The following GLI2 variants were observed in gnomAD, a reference collection of about 807,000 sequenced individuals.
GLI2 encodes GLI family zinc finger 2.
In GLI2, 22 loss-of-function variants were observed where a neutral mutation model predicts 78.9. The observed-to-expected ratio is 0.28, with a 90% CI of 0.20 to 0.40. The LOEUF (loss-of-function observed/expected upper bound fraction) is 0.40, where lower values mean the gene tolerates loss of function less well. Among genes scored for constraint, GLI2 ranks in the 10% least tolerant of loss-of-function variants. The pLI is 1.00. For synonymous variants in GLI2, 974 were observed against 963.7 expected, an observed-to-expected ratio of 1.01 and a Z score of -0.20; for missense variants, 2,097 against 2,213.2, an observed-to-expected ratio of 0.95 and a Z score of 1.05.
chr2:120,966,830 C>T (rs903423283), intron 5 of GLI2, among the ~76,000 whole-genome samples: 2 of 152,222 alleles, frequency 1.3e-5, no homozygotes, highest in Non-Finnish European at 2.9e-5. Context: ...ACCCCCTGCC[C>T]TCGGTGCTCC....
chr2:120,850,663 C>G (rs1008907539), intron 2 of GLI2, among the ~76,000 whole-genome samples: 2 of 152,270 alleles, frequency 1.3e-5, no homozygotes, highest in African/African-American at 2.4e-5. Flanking sequence ...GCAGCTGCCC[C>G]CTCTCTACAG....
rs543408452 is a variant in GLI2, at chr2:120,804,833, C to T, written c.148+7365C>T. Among the ~76,000 whole-genome samples, 5 of 152,258 alleles carry T rather than the reference C, an allele frequency of 3.3e-5. No homozygotes were observed. In the South Asian group the frequency reaches 8.3e-4, roughly 25 times the overall value. ...GTACTGCAAGGTTGGACGCCTGGGGCGGGAGCATGAGGTTGGAGACTTCTT... is the reference window on the plus strand; with the variant it reads ...GTACTGCAAGGTTGGACGCCTGGGGTGGGAGCATGAGGTTGGAGACTTCTT... On this transcript the variant is annotated intron_variant, in intron 2 of 13. Transcript: ENST00000361492.
At chr2:120,877,380 A>G (rs1688807787) in intron 2 of GLI2, among the ~76,000 whole-genome samples, 1 of 152,244 alleles carries the variant, frequency 6.6e-6, no homozygotes. Context: ...ATGCAAATAC[A>G]ACATACATAA....
At chr2:120,907,593 C>T (rs1449446909) in intron 2 of GLI2, among the ~76,000 whole-genome samples, 1 of 152,222 alleles carries the variant, frequency 6.6e-6, no homozygotes, top group East Asian at 1.9e-4. Context: ...TGGCATCTTC[C>T]TCGCCAGCCA....
At chr2:120,763,841 A>G (rs1683291388) in intron 1 of GLI2, among the ~76,000 whole-genome samples, 1 of 152,266 alleles carries the variant, frequency 6.6e-6, no homozygotes, top group Admixed American at 6.5e-5. Context: ...AGTCAGGACC[A>G]AAAACAAAAT....
chr2:120,935,632 C>T (rs1019343461), intron 3 of GLI2, among the ~76,000 whole-genome samples: 11 of 152,142 alleles, frequency 7.2e-5, no homozygotes, highest in African/African-American at 1.9e-4. Flanking sequence ...TTGGGGAAAC[C>T]GAGGCATGGG....
At chr2:120,847,375 T>C (rs1007026899) in intron 2 of GLI2, among the ~76,000 whole-genome samples, 4 of 152,142 alleles carry the variant, frequency 2.6e-5, no homozygotes, top group Non-Finnish European at 5.9e-5. Context: ...TAATGTGTCT[T>C]ATGGAGGAGG....
Position 120,797,395 on chromosome 2 carries a change from C to T in GLI2, c.75C>T (p.Phe25=), listed in dbSNP as rs1345337764. Residue 25 remains phenylalanine (F), a synonymous_variant, in exon 2 of 14, where the codon TTC becomes TTT. Coordinates refer to ENST00000361492, the MANE Select transcript of GLI2 (RefSeq NM_001374353.1). ...GTGGGATCCTGGAGGCCGCTGGCTT[C>T]CCCGACCCGGGTAAAAAGGCCTCTC... ...AKSGILEAAG[F]PDPGKKASPL... 4 of 1,614,038 alleles carry T rather than the reference C, an allele frequency of 2.5e-6. No homozygotes were observed. In the Admixed American group the frequency reaches 5.0e-5, roughly 20 times the overall value.
rs55794893 is a variant in GLI2 at position 120,898,177 on chromosome 2, AACACACAC to A, written c.149-29152_149-29145del. ...GGCATAAGGCACTGATATAGATTAA[AACACACAC>A]ACACACACACACACACACACACACA... On this transcript the variant is annotated intron_variant, in intron 2 of 13. Transcript: ENST00000361492. Among the ~76,000 whole-genome samples, 90 of 140,310 alleles carry A rather than the reference AACACACAC, an allele frequency of 6.4e-4. 1 individual carries two copies. The highest frequency in any genetic ancestry group is 4.9e-3 in the East Asian group (23 of 4,708). The allele number at this position is 140,310 out of a possible 152,430, so 92.0% of individuals were successfully genotyped here. A position where few individuals can be genotyped will look rare whatever the true frequency, so the allele number is the denominator to read the frequency against.
intron 3 of GLI2, among the ~76,000 whole-genome samples, chr2:120,947,320 T>A (rs1373722907): frequency 2.0e-5 from 3 of 152,362 alleles, no homozygotes; most frequent in South Asian, 2.1e-4. Context: ...TCTGGGGATG[T>A]TCCCATCCAC....
intron 2 of GLI2, among the ~76,000 whole-genome samples, chr2:120,832,449 C>A (rs1204188365): frequency 1.3e-5 from 2 of 152,150 alleles, no homozygotes; most frequent in Non-Finnish European, 2.9e-5. Flanking sequence ...TGTGTCCCTT[C>A]CTGATGCGGC....
intron 5 of GLI2, among the ~76,000 whole-genome samples, chr2:120,962,343 C>G (rs1262615955): frequency 1.4e-4 from 22 of 152,168 alleles, no homozygotes. Context: ...CCTGGTGCCT[C>G]GGAGTACTGT....
chr2:120,927,126 G>C (rs752198408), intron 2 of GLI2, among the ~76,000 whole-genome samples: 3 of 152,238 alleles, frequency 2.0e-5, no homozygotes, highest in Non-Finnish European at 4.4e-5. Context: ...TTAGCTGCTT[G>C]TCTTTGTCAA....
At chr2:120,819,710 A>T (rs1434769387) in intron 2 of GLI2, among the ~76,000 whole-genome samples, 1 of 152,160 alleles carries the variant, frequency 6.6e-6, no homozygotes, top group Non-Finnish European at 1.5e-5. Flanking sequence ...GCTTGCAGGC[A>T]TTTACCAGTT....
chr2:120,773,209 A>G (rs1003475145), intron 1 of GLI2, among the ~76,000 whole-genome samples: 2 of 152,190 alleles, frequency 1.3e-5, no homozygotes, highest in African/African-American at 4.8e-5. Context: ...AACTTTGTTA[A>G]GCTCTGAATA....
At chr2:120,974,400 G>C (rs902490147) in intron 8 of GLI2, among the ~76,000 whole-genome samples, 2 of 152,200 alleles carry the variant, frequency 1.3e-5, no homozygotes, top group Non-Finnish European at 2.9e-5. Context: ...TGTCCTTTTT[G>C]ACGGGAATTT....
chr2:120,927,907 A>G (rs1214266830), intron 3 of GLI2, among the ~76,000 whole-genome samples: 1 of 152,196 alleles, frequency 6.6e-6, no homozygotes, highest in East Asian at 1.9e-4. Flanking sequence ...ACTTAAAAGG[A>G]CAAGCTCAAA....
At chr2:120,980,404 T>G (rs751254971) in intron 10 of GLI2, among the ~76,000 whole-genome samples, 2 of 152,246 alleles carry the variant, frequency 1.3e-5, no homozygotes, top group Non-Finnish European at 2.9e-5. Flanking sequence ...GTTAAACATC[T>G]TTTCAGGTGC....
chr2:120,783,534 G>A (rs1296626606), intron 1 of GLI2, among the ~76,000 whole-genome samples: 1 of 151,596 alleles, frequency 6.6e-6, no homozygotes, highest in Non-Finnish European at 1.5e-5. Context: ...GTCTTGGAGA[G>A]AGTCATCGAA....
Sources: gnomAD v4.1 joint callset for allele counts (sites outside exome capture counted in the v4.1 genomes callset) on GRCh38, gnomAD v4.1.1 for gene constraint, MANE v1.5 for transcripts, NCBI Gene and HGNC (gene_info 2026-07-23, HGNC 2026-07-21) for gene names.